CFAP299: variants seen among roughly 807,000 people sequenced by gnomAD.
CFAP299 encodes cilia and flagella associated protein 299, also known as cilia- and flagella-associated protein 299.
Under a neutral mutation model 27.0 loss-of-function variants are expected in CFAP299, and 21 were observed. The ratio of observed to expected loss-of-function variants is 0.78; its 90% CI spans 0.55 to 1.12. CFAP299 has a LOEUF of 1.12. Among genes scored for constraint, CFAP299 ranks in the 50% most tolerant of loss-of-function variants. The probability of loss-of-function intolerance (pLI) is 0.00; values close to 1 mark genes in which losing one functional copy is unlikely to be tolerated. For synonymous variants in CFAP299, 104 were observed against 98.1 expected, an observed-to-expected ratio of 1.06 and a Z score of -0.36; for missense variants, 310 against 276.6, an observed-to-expected ratio of 1.12 and a Z score of -0.86.
chr4:80,960,660 G>C (rs1031423734), intron 5 of CFAP299, among the ~76,000 whole-genome samples: 9 of 151,764 alleles, frequency 5.9e-5, no homozygotes, highest in Non-Finnish European at 1.2e-4. Flanking sequence ...CATAGACAGT[G>C]GTGTCAGTCT....
chr4:80,569,333 A>G (rs1043408719), intron 2 of CFAP299, among the ~76,000 whole-genome samples: 1 of 152,086 alleles, frequency 6.6e-6, no homozygotes, highest in Admixed American at 6.6e-5. Context: ...TGTATAGTTG[A>G]CCATTTATAT....
intron 2 of CFAP299, 69 bp downstream of exon 2, chr4:80,362,953 T>C: frequency 6.7e-7 from 1 of 1,486,036 alleles, no homozygotes; most frequent in Non-Finnish European, 9.0e-7. Context: ...TCAATTTCGT[T>C]TGCATTGTTT....
intron 4 of CFAP299, among the ~76,000 whole-genome samples, chr4:80,940,967 T>C (rs2110227606): frequency 6.6e-6 from 1 of 152,296 alleles, no homozygotes; most frequent in Non-Finnish European, 1.5e-5. Flanking sequence ...AATATACAGT[T>C]TTCCCTTTGT....
intron 3 of CFAP299, among the ~76,000 whole-genome samples, chr4:80,864,430 G>GTA (rs34724841): frequency 0.018 from 2,364 of 133,478 alleles, 28 homozygotes; most frequent in East Asian, 0.049. Context: ...ATATATATAG[G>GTA]TATATATATA....
chr4:80,533,498 C>G (rs571336901), intron 2 of CFAP299, among the ~76,000 whole-genome samples: 1 of 151,934 alleles, frequency 6.6e-6, no homozygotes, highest in East Asian at 1.9e-4. Flanking sequence ...GGGTGGGTAC[C>G]TTTTGCAATT....
At chr4:80,894,978 A>G (rs977811913) in intron 4 of CFAP299, among the ~76,000 whole-genome samples, 1 of 151,948 alleles carries the variant, frequency 6.6e-6, no homozygotes, top group African/African-American at 2.4e-5. Flanking sequence ...CAGAACCAGG[A>G]AGTAGAAGAG....
chr4:80,957,086 G>A (rs1245013000), intron 5 of CFAP299, among the ~76,000 whole-genome samples: 1 of 152,062 alleles, frequency 6.6e-6, no homozygotes, highest in African/African-American at 2.4e-5. Context: ...ATTTAAATCT[G>A]TAATTCTTCT....
At chr4:80,542,454 A>G (rs192001668) in intron 2 of CFAP299, among the ~76,000 whole-genome samples, 4 of 152,170 alleles carry the variant, frequency 2.6e-5, no homozygotes, top group Admixed American at 6.5e-5. Context: ...TAAATGATCC[A>G]GATGTTGGTA....
intron 3 of CFAP299, among the ~76,000 whole-genome samples, chr4:80,838,808 G>C (rs1187873904): frequency 6.6e-6 from 1 of 152,132 alleles, no homozygotes; most frequent in Non-Finnish European, 1.5e-5. Flanking sequence ...GAAAGTCAAT[G>C]TATTTTTTAA....
chr4:80,652,582 ATTAACT>A (rs1460918111), intron 3 of CFAP299, among the ~76,000 whole-genome samples: 2 of 152,162 alleles, frequency 1.3e-5, no homozygotes, highest in South Asian at 2.1e-4. Flanking sequence ...TATTTTAATA[ATTAACT>A]TTAACAGTCA....
At chr4:80,394,680 A>C (rs1323709843) in intron 2 of CFAP299, among the ~76,000 whole-genome samples, 1 of 152,104 alleles carries the variant, frequency 6.6e-6, no homozygotes, top group African/African-American at 2.4e-5. Context: ...TTTGAAGAGA[A>C]TGTCCTTTCC....
At chr4:80,854,977 A>G (rs1048781200) in intron 3 of CFAP299, among the ~76,000 whole-genome samples, 11 of 152,120 alleles carry the variant, frequency 7.2e-5, no homozygotes, top group African/African-American at 2.4e-4. Flanking sequence ...AAGAGAAAAA[A>G]TGAGCAAATA....
intron 3 of CFAP299, among the ~76,000 whole-genome samples, chr4:80,645,394 A>G (rs1739954451): frequency 6.6e-6 from 1 of 152,122 alleles, no homozygotes; most frequent in Admixed American, 6.6e-5. Flanking sequence ...ATATTAACCT[A>G]ATCTACCTCT....
intron 2 of CFAP299, among the ~76,000 whole-genome samples, chr4:80,552,553 A>G (rs1578588394): frequency 2.0e-5 from 3 of 152,164 alleles, no homozygotes; most frequent in Non-Finnish European, 2.9e-5. Context: ...AAGTTTTTGC[A>G]TGGTTCAAAA....
At chr4:80,806,564 C>T (rs1728875995) in intron 3 of CFAP299, among the ~76,000 whole-genome samples, 2 of 152,198 alleles carry the variant, frequency 1.3e-5, no homozygotes, top group Admixed American at 1.3e-4. Flanking sequence ...AACCAGCAAA[C>T]ATCCCTGCCC....
At chr4:80,713,975 G>T (rs1722323643) in intron 3 of CFAP299, among the ~76,000 whole-genome samples, 1 of 152,046 alleles carries the variant, frequency 6.6e-6, no homozygotes, top group African/African-American at 2.4e-5. Flanking sequence ...AGTAGAAGTA[G>T]GCCACAGAGC....
chr4:80,891,775 AAT>A (rs1734294728), intron 4 of CFAP299, among the ~76,000 whole-genome samples: 1 of 114,942 alleles, frequency 8.7e-6, no homozygotes, highest in African/African-American at 4.9e-5. Flanking sequence ...TAAAAAAAAA[AAT>A]TAAAAAAAAA....
chr4:80,939,597 T>C, intron 4 of CFAP299, among the ~76,000 whole-genome samples: 1 of 152,210 alleles, frequency 6.6e-6, no homozygotes, highest in East Asian at 1.9e-4. Flanking sequence ...TTGTAGCTCA[T>C]TGAGCTCATA....
At chr4:80,372,057 C>T (rs1724173355) in intron 2 of CFAP299, among the ~76,000 whole-genome samples, 1 of 152,160 alleles carries the variant, frequency 6.6e-6, no homozygotes. Flanking sequence ...GTTTAATTGG[C>T]TCATGATTCT....
Sources: allele counts gnomAD v4.1 joint callset (sites outside exome capture counted in the v4.1 genomes callset), GRCh38; gene constraint gnomAD v4.1.1; transcripts MANE v1.5; gene names NCBI Gene and HGNC (gene_info 2026-07-23, HGNC 2026-07-21).